EYA3: variants seen among roughly 807,000 people sequenced by gnomAD.
EYA3 encodes EYA transcriptional coactivator and phosphatase 3.
A neutral mutation model predicts 80.0 loss-of-function variants in EYA3; 39 were observed. The ratio of observed to expected loss-of-function variants is 0.49; its 90% CI spans 0.38 to 0.64. The LOEUF is 0.64. Among genes scored for constraint, EYA3 ranks in the 30% least tolerant of loss-of-function variants. The probability of loss-of-function intolerance (pLI) is 0.00; values close to 1 mark genes in which losing one functional copy is unlikely to be tolerated. For missense variants in EYA3, 523 were observed against 676.1 expected, an observed-to-expected ratio of 0.77 and a Z score of 2.51; for synonymous variants, 206 against 232.8, an observed-to-expected ratio of 0.88 and a Z score of 1.05.
chr1:27,981,038 G>A (rs559474969), intron 16 of EYA3, among the ~76,000 whole-genome samples: 9 of 152,202 alleles, frequency 5.9e-5, no homozygotes, highest in African/African-American at 2.2e-4. Context: ...GTGAGACCCT[G>A]TCTCAAGAAA....
chr1:28,017,017 T>G, intron 8 of EYA3, 137 bp downstream of exon 8: 1 of 651,322 alleles, frequency 1.5e-6, no homozygotes, highest in South Asian at 2.0e-5. Context: ...GTCCGAGTTC[T>G]GAAGGTATCC....
chr1:28,023,958 G>A (rs1184309129), intron 7 of EYA3, among the ~76,000 whole-genome samples: 1 of 152,112 alleles, frequency 6.6e-6, no homozygotes, highest in Non-Finnish European at 1.5e-5. Context: ...TAAAGTCTAG[G>A]CCAGGCGCGG....
chr1:28,021,170 C>T (rs1642410903), intron 7 of EYA3, among the ~76,000 whole-genome samples: 1 of 152,210 alleles, frequency 6.6e-6, no homozygotes, highest in African/African-American at 2.4e-5. Flanking sequence ...ACCTCCTTTG[C>T]TCACACTGTC....
chr1:28,087,671 T>C (rs1645710436), intron 1 of EYA3, among the ~76,000 whole-genome samples: 1 of 152,122 alleles, frequency 6.6e-6, no homozygotes, highest in South Asian at 2.1e-4. Context: ...CGTCCCAAAA[T>C]ATTGGCGTTT....
intron 15 of EYA3, among the ~76,000 whole-genome samples, chr1:27,989,465 A>G (rs1236803449): frequency 1.3e-5 from 2 of 152,216 alleles, no homozygotes; most frequent in African/African-American, 2.4e-5. Flanking sequence ...TTCGTGAGCA[A>G]AAAGTAAGGA....
At chr1:28,052,665 C>T (rs538655490) in intron 2 of EYA3, among the ~76,000 whole-genome samples, 5 of 152,068 alleles carry the variant, frequency 3.3e-5, no homozygotes, top group Middle Eastern at 3.2e-3. Flanking sequence ...AAATATAGGC[C>T]GGAGGCAGTG....
Position 28,038,846 on chromosome 1 carries a change from A to T in EYA3, c.217T>A (p.Ser73Thr). ...SSNDYTSQMY[S>T]AKPYAHILSV... ...AATAATTATTCAACTTACTTTGCAG[A>T]ATACATTTGTGAGGTATAATCATTG... The change falls in exon 5 of 18, where the codon TCT (serine) becomes ACT (threonine). Residue 73 changes from serine (S) to threonine (T), a missense_variant. Around this residue, in one of 2 missense-constraint regions of EYA3, gnomAD observed 304 missense variants for 343.3 expected, o/e 0.89. Coordinates refer to ENST00000373871, the MANE Select transcript of EYA3 (RefSeq NM_001990.4). 6.3e-7 allele frequency: 1 copy of T among 1,577,242 alleles called. No individual in the cohort carries two copies. The highest frequency in any genetic ancestry group is 8.6e-7 in the Non-Finnish European group (1 of 1,156,486).
chr1:28,005,629 C>A (rs182187283), intron 10 of EYA3, among the ~76,000 whole-genome samples: 28 of 151,902 alleles, frequency 1.8e-4, no homozygotes, highest in Middle Eastern at 6.8e-3. Flanking sequence ...GCGGGAGGAT[C>A]ACTTGGGCGT....
intron 1 of EYA3, among the ~76,000 whole-genome samples, chr1:28,087,373 T>G (rs1645693626): frequency 6.6e-6 from 1 of 152,106 alleles, no homozygotes; most frequent in Admixed American, 6.5e-5. Flanking sequence ...GTTAGAAGAA[T>G]ATTCTAAGTA....
At chr1:28,015,326 G>C (rs1238584824) in intron 8 of EYA3, among the ~76,000 whole-genome samples, 1 of 152,160 alleles carries the variant, frequency 6.6e-6, no homozygotes, top group Non-Finnish European at 1.5e-5. Flanking sequence ...TGAATGATTG[G>C]TAAAGCAATA....
At chr1:28,076,459 CCAG>C (rs1209218849) in intron 1 of EYA3, among the ~76,000 whole-genome samples, 2 of 151,564 alleles carry the variant, frequency 1.3e-5, no homozygotes, top group East Asian at 3.9e-4. Flanking sequence ...ACCTGTAATC[CCAG>C]CACTTTGGTA....
chr1:28,045,600 C>T (rs1643974356), intron 3 of EYA3, among the ~76,000 whole-genome samples: 1 of 152,100 alleles, frequency 6.6e-6, no homozygotes, highest in Non-Finnish European at 1.5e-5. Flanking sequence ...AACTGAGCAT[C>T]TAGAGAATAA....
At chr1:28,066,046 T>C (rs1571938479) in intron 1 of EYA3, among the ~76,000 whole-genome samples, 1 of 150,530 alleles carries the variant, frequency 6.6e-6, no homozygotes, top group African/African-American at 2.4e-5. Flanking sequence ...AACACACAAG[T>C]ACTGCAGATA....
intron 1 of EYA3, among the ~76,000 whole-genome samples, chr1:28,075,806 TCTC>T (rs1645179852): frequency 6.6e-6 from 1 of 152,202 alleles, no homozygotes; most frequent in Non-Finnish European, 1.5e-5. Context: ...TGTGATTTCT[TCTC>T]CTATTTTTTC....
At chr1:27,991,563 A>C (rs1346020425) in intron 14 of EYA3, among the ~76,000 whole-genome samples, 2 of 152,234 alleles carry the variant, frequency 1.3e-5, no homozygotes, top group Non-Finnish European at 2.9e-5. Context: ...GTAATACTCC[A>C]TAAAAGCAGA....
chr1:27,993,973 A>C (rs6598917), intron 13 of EYA3, among the ~76,000 whole-genome samples: 2,100 of 152,342 alleles, frequency 0.014, 49 homozygotes, highest in African/African-American at 0.047. Flanking sequence ...AATAGGCTAA[A>C]ATGCTAACAA....
At chr1:28,065,215 C>A (rs181506925) in intron 1 of EYA3, among the ~76,000 whole-genome samples, 13 of 152,330 alleles carry the variant, frequency 8.5e-5, no homozygotes, top group Non-Finnish European at 1.6e-4. Context: ...GAAAAACTAG[C>A]ATGAATTTCT....
intron 1 of EYA3, among the ~76,000 whole-genome samples, chr1:28,072,798 T>C (rs1039921412): frequency 5.9e-5 from 9 of 152,112 alleles, no homozygotes; most frequent in Middle Eastern, 3.4e-3. Context: ...AGTAGCTTGT[T>C]CATATATATG....
chr1:28,055,981 C>T (rs1356734860), intron 2 of EYA3, among the ~76,000 whole-genome samples: 1 of 151,156 alleles, frequency 6.6e-6, no homozygotes, highest in African/African-American at 2.5e-5. Flanking sequence ...ATCTCCACTA[C>T]AGCCTGTGAA....
Sources: gnomAD v4.1 joint callset for allele counts (sites outside exome capture counted in the v4.1 genomes callset) on GRCh38, gnomAD v4.1.1 for gene constraint, gnomAD v4.1.1 regional missense constraint, MANE v1.5 for transcripts, NCBI Gene and HGNC (gene_info 2026-07-23, HGNC 2026-07-21) for gene names.